GALNT13: variants seen among roughly 807,000 people sequenced by gnomAD.
The protein encoded by GALNT13 is polypeptide N-acetylgalactosaminyltransferase 13.
Under a neutral mutation model 64.2 loss-of-function variants are expected in GALNT13, and 28 were observed. That is an observed-to-expected ratio of 0.44 (90% confidence interval 0.32 to 0.60). GALNT13 has a LOEUF of 0.60. Ranked by LOEUF, GALNT13 falls within the 20% of genes least tolerant of loss-of-function variation. GALNT13 has a pLI of 0.05. For synonymous variants in GALNT13, 214 were observed against 224.6 expected (o/e 0.95, Z 0.42); for missense variants, 577 against 669.8 (o/e 0.86, Z 1.53).
intron 10 of GALNT13, among the ~76,000 whole-genome samples, chr2:154,406,156 T>C (rs906713843): frequency 2.0e-5 from 3 of 152,192 alleles, no homozygotes; most frequent in African/African-American, 4.8e-5. Flanking sequence ...GGCATGTTTC[T>C]TGATGTCTTT....
chr2:153,234,275 A>G, the GALNT13 span, among the ~76,000 whole-genome samples: 1 of 152,280 alleles, frequency 6.6e-6, no homozygotes, highest in East Asian at 1.9e-4. Flanking sequence ...TAACAAAGAC[A>G]GACATGAGAA....
the GALNT13 span, among the ~76,000 whole-genome samples, chr2:153,070,853 A>C: frequency 6.6e-6 from 1 of 152,180 alleles, no homozygotes; most frequent in African/African-American, 2.4e-5. Flanking sequence ...CTTTCTGAAC[A>C]ATTTCCTTTT....
chr2:153,103,166 A>T, the GALNT13 span, among the ~76,000 whole-genome samples: 3 of 152,152 alleles, frequency 2.0e-5, no homozygotes, highest in Non-Finnish European at 4.4e-5. Context: ...CTGCAACCAG[A>T]AGAATAAACG....
At chr2:154,278,456 G>T (rs1418332327) in intron 8 of GALNT13, among the ~76,000 whole-genome samples, 1 of 152,122 alleles carries the variant, frequency 6.6e-6, no homozygotes, top group Non-Finnish European at 1.5e-5. Context: ...TGTGTTGCAG[G>T]GTTGAGGCAA....
chr2:153,579,374 C>G, the GALNT13 span, among the ~76,000 whole-genome samples: 1 of 151,940 alleles, frequency 6.6e-6, no homozygotes, highest in East Asian at 1.9e-4. Flanking sequence ...GGCTATAAAA[C>G]TTATTGTTAA....
chr2:153,539,619 AG>A, the GALNT13 span, among the ~76,000 whole-genome samples: 1 of 151,766 alleles, frequency 6.6e-6, no homozygotes, highest in Non-Finnish European at 1.5e-5. Context: ...ATGGCTAGCC[AG>A]TTTTCCCAGC....
chr2:153,103,917 C>A, the GALNT13 span, among the ~76,000 whole-genome samples: 86 of 152,082 alleles, frequency 5.7e-4, no homozygotes, highest in African/African-American at 2.0e-3. Context: ...ATAATTCTTC[C>A]TTCTCTGAGC....
At chr2:153,957,904 C>A (rs532989378) in intron 3 of GALNT13, among the ~76,000 whole-genome samples, 1 of 152,144 alleles carries the variant, frequency 6.6e-6, no homozygotes, top group East Asian at 1.9e-4. Flanking sequence ...AATCAAAGAA[C>A]ATGGTCAACT....
the GALNT13 span, among the ~76,000 whole-genome samples, chr2:153,670,121 T>C: frequency 6.6e-6 from 1 of 152,210 alleles, no homozygotes; most frequent in Non-Finnish European, 1.5e-5. Context: ...AGGGAATATC[T>C]GAACAAAAGG....
chr2:154,266,378 C>T (rs771908762), intron 8 of GALNT13, among the ~76,000 whole-genome samples: 5 of 151,942 alleles, frequency 3.3e-5, no homozygotes, highest in Non-Finnish European at 5.9e-5. Context: ...ATGGAATCTA[C>T]AAAAGTATTG....
chr2:154,322,673 T>G (rs954204255), intron 9 of GALNT13, among the ~76,000 whole-genome samples: 14 of 152,158 alleles, frequency 9.2e-5, no homozygotes, highest in African/African-American at 2.7e-4. Flanking sequence ...TTGTGTTGTT[T>G]GTCTTGGTTC....
At chr2:153,636,239 A>C in the GALNT13 span, among the ~76,000 whole-genome samples, 14 of 152,134 alleles carry the variant, frequency 9.2e-5, 1 homozygote, top group Admixed American at 8.5e-4. Context: ...AAGACAAGCA[A>C]TTACCTAGTT....
At chr2:153,720,994 C>T in the GALNT13 span, among the ~76,000 whole-genome samples, 1 of 152,010 alleles carries the variant, frequency 6.6e-6, no homozygotes, top group African/African-American at 2.4e-5. Context: ...ACAGCAACTC[C>T]AAGATACATA....
At chr2:154,176,069 T>G (rs1685629133) in intron 4 of GALNT13, among the ~76,000 whole-genome samples, 1 of 152,012 alleles carries the variant, frequency 6.6e-6, no homozygotes, top group Admixed American at 6.6e-5. Flanking sequence ...GCAGAAGTGA[T>G]AACGAAAACA....
chr2:153,208,815 A>G, the GALNT13 span, among the ~76,000 whole-genome samples: 2 of 151,986 alleles, frequency 1.3e-5, no homozygotes, highest in African/African-American at 2.4e-5. Flanking sequence ...AACATTTGGT[A>G]TTATCAGTCT....
chr2:154,238,754 C>A (rs1438894519), intron 4 of GALNT13, among the ~76,000 whole-genome samples: 1 of 151,952 alleles, frequency 6.6e-6, no homozygotes, highest in Non-Finnish European at 1.5e-5. Context: ...TTAAGGTATA[C>A]AACTTGATGT....
the GALNT13 span, among the ~76,000 whole-genome samples, chr2:153,772,431 ACT>A: frequency 6.6e-6 from 1 of 151,656 alleles, no homozygotes; most frequent in Non-Finnish European, 1.5e-5. Context: ...ACAGCAGGAG[ACT>A]CTGCTTCCTC....
At chr2:153,457,666 A>T in the GALNT13 span, among the ~76,000 whole-genome samples, 1 of 152,174 alleles carries the variant, frequency 6.6e-6, no homozygotes, top group Non-Finnish European at 1.5e-5. Flanking sequence ...CTGAGTAAAT[A>T]GAATCATGGG....
the GALNT13 span, among the ~76,000 whole-genome samples, chr2:153,147,572 A>C: frequency 6.1e-5 from 9 of 148,752 alleles, no homozygotes; most frequent in Non-Finnish European, 8.9e-5. Flanking sequence ...ACTTCCCTAG[A>C]AGTTTTGAAA....
Sources: gnomAD v4.1 joint callset for allele counts (sites outside exome capture counted in the v4.1 genomes callset) on GRCh38, gnomAD v4.1.1 for gene constraint, MANE v1.5 for transcripts, NCBI Gene and HGNC (gene_info 2026-07-23, HGNC 2026-07-21) for gene names.